The following SLC14A2 variants were observed in gnomAD, a reference collection of about 807,000 sequenced individuals.
The protein encoded by SLC14A2 is urea transporter 2.
In SLC14A2, 91 loss-of-function variants were observed where a neutral mutation model predicts 104.6. The observed-to-expected ratio is 0.87, with a 90% CI of 0.73 to 1.04. The LOEUF (loss-of-function observed/expected upper bound fraction) is 1.04, where lower values mean the gene tolerates loss of function less well. Among genes scored for constraint, SLC14A2 ranks in the 50% least tolerant of loss-of-function variants. SLC14A2 has a pLI of 0.00. For missense variants in SLC14A2, 1,189 were observed against 1,156.0 expected (o/e 1.03, Z -0.41); for synonymous variants, 476 against 466.4 (o/e 1.02, Z -0.27).
At chr18:45,535,663 C>T (rs1355089835) in intron 2 of SLC14A2, among the ~76,000 whole-genome samples, 1 of 152,124 alleles carries the variant, frequency 6.6e-6, no homozygotes, top group Non-Finnish European at 1.5e-5. Context: ...TTTGAGTGAG[C>T]AAAAGGCCTG....
chr18:45,626,492 C>A (rs1240602708), intron 3 of SLC14A2, among the ~76,000 whole-genome samples: 1 of 152,182 alleles, frequency 6.6e-6, no homozygotes, highest in Non-Finnish European at 1.5e-5. Context: ...TGGGCTACAA[C>A]AATTTCTTCC....
intron 1 of SLC14A2, among the ~76,000 whole-genome samples, chr18:45,381,461 G>A (rs376487637): frequency 1.3e-5 from 2 of 152,270 alleles, no homozygotes; most frequent in African/African-American, 4.8e-5. Context: ...ACCCCAAACT[G>A]CATAAACCAC....
At chr18:45,477,241 C>G (rs2087398860) in intron 1 of SLC14A2, among the ~76,000 whole-genome samples, 1 of 152,222 alleles carries the variant, frequency 6.6e-6, no homozygotes, top group Admixed American at 6.5e-5. Flanking sequence ...CCAGGCCCCT[C>G]TGCAGCAGGT....
chr18:45,590,781 C>T lies in SLC14A2; in HGVS notation c.-34-33850C>T, dbSNP rs893247464. Reference sequence around the variant, plus strand: ...GCCTAGAAAATTATCAGAGTAAAAGCTGACATTGATTGAGTGCTTACAGTG... The same window carrying T: ...GCCTAGAAAATTATCAGAGTAAAAGTTGACATTGATTGAGTGCTTACAGTG... On this transcript the variant is annotated intron_variant, in intron 2 of 20. Coordinates refer to the SLC14A2 transcript ENST00000586448. 2.0e-5 allele frequency among the ~76,000 whole-genome samples: 3 copies of T among 152,224 alleles called. No individual in the cohort carries two copies. In the East Asian group the frequency reaches 5.8e-4, roughly 29 times the overall value.
At chr18:45,277,815 G>A (rs1245899947) in intron 1 of SLC14A2, among the ~76,000 whole-genome samples, 1 of 152,200 alleles carries the variant, frequency 6.6e-6, no homozygotes. Flanking sequence ...ACACAAAAAT[G>A]TGCAGAGAAC....
At chr18:45,679,995 G>C (rs1212619299) in intron 19 of SLC14A2, among the ~76,000 whole-genome samples, 2 of 152,254 alleles carry the variant, frequency 1.3e-5, no homozygotes, top group Non-Finnish European at 1.5e-5. Context: ...TCCAGTATCT[G>C]TTATAGTCTT....
At chr18:45,414,198 G>A (rs2086244420) in intron 1 of SLC14A2, among the ~76,000 whole-genome samples, 1 of 152,132 alleles carries the variant, frequency 6.6e-6, no homozygotes, top group African/African-American at 2.4e-5. Flanking sequence ...CTTTGACCTG[G>A]CCAAGAGAAA....
chr18:45,361,736 G>C (rs73953152), intron 1 of SLC14A2, among the ~76,000 whole-genome samples: 33 of 152,184 alleles, frequency 2.2e-4, no homozygotes, highest in African/African-American at 7.2e-4. Flanking sequence ...TCGGCTTCTC[G>C]GCTTCTCCCT....
rs150322971 is a variant in SLC14A2 at position 45,271,702 on chromosome 18, A to T, written c.-125+58511A>T. The stretch of plus-strand genomic sequence containing the variant: ...ATGTTCATGGATTGGAAGAATCAAT[A>T]TTGTTAAAATGTCCTTACTACCCAA... On this transcript the variant is annotated intron_variant, in intron 1 of 20. Coordinates refer to the SLC14A2 transcript ENST00000586448. Among the ~76,000 whole-genome samples the T allele has an allele frequency of 1.9e-3, 289 of 152,280 alleles. 3 individuals carry two copies. The highest frequency in any genetic ancestry group is 6.6e-3 in the African/African-American group (274 of 41,586).
At chr18:45,235,299 C>T (rs769076835) in intron 1 of SLC14A2, among the ~76,000 whole-genome samples, 1 of 152,026 alleles carries the variant, frequency 6.6e-6, no homozygotes, top group Admixed American at 6.6e-5. Flanking sequence ...TTTTGACACA[C>T]AATAATTGTG....
intron 2 of SLC14A2, among the ~76,000 whole-genome samples, chr18:45,493,847 G>T (rs1178935945): frequency 1.3e-5 from 2 of 152,212 alleles, no homozygotes. Flanking sequence ...TTTGAATTCA[G>T]TGGGTAAGGA....
intron 2 of SLC14A2, among the ~76,000 whole-genome samples, chr18:45,591,242 T>C (rs1057510808): frequency 2.2e-4 from 34 of 152,238 alleles, no homozygotes; most frequent in African/African-American, 7.0e-4. Flanking sequence ...CTTCTCCAAC[T>C]GTAATGGGCA....
intron 2 of SLC14A2, among the ~76,000 whole-genome samples, chr18:45,625,170 G>A (rs1017418291): frequency 8.5e-5 from 13 of 152,066 alleles, no homozygotes; most frequent in African/African-American, 2.9e-4. Context: ...GAGGTAGACT[G>A]GCTGGCCACT....
intron 1 of SLC14A2, among the ~76,000 whole-genome samples, chr18:45,466,147 C>T (rs990697957): frequency 1.3e-5 from 2 of 152,088 alleles, no homozygotes; most frequent in Non-Finnish European, 2.9e-5. Flanking sequence ...GTGCTTATCT[C>T]GGTCAGGTCA....
chr18:45,300,994 G>A (rs151214421), intron 1 of SLC14A2, among the ~76,000 whole-genome samples: 70 of 152,308 alleles, frequency 4.6e-4, no homozygotes, highest in African/African-American at 1.3e-3. Context: ...TGTGACTTTG[G>A]CATTGAAGCA....
At chr18:45,668,289 G>C in intron 14 of SLC14A2, 60 bp from the exon 15 acceptor site, 3 of 1,595,250 alleles carry the variant, frequency 1.9e-6, no homozygotes, top group Non-Finnish European at 2.6e-6. Flanking sequence ...TGACTCAATA[G>C]GAAAATGTAA....
intron 1 of SLC14A2, among the ~76,000 whole-genome samples, chr18:45,314,722 A>G (rs938581924): frequency 6.6e-6 from 1 of 152,220 alleles, no homozygotes; most frequent in Non-Finnish European, 1.5e-5. Flanking sequence ...TAACCTGGAG[A>G]TAAAAGAACA....
rs185464285 is a variant in SLC14A2 at position 45,482,141 on chromosome 18, A to G, written c.-124-1092A>G. 9.3e-4 allele frequency among the ~76,000 whole-genome samples: 142 copies of G among 152,328 alleles called. 1 individual carries two copies. Among genetic ancestry groups the G allele is most frequent in the African/African-American group, 3.3e-3 (138 of 41,584 alleles). ...AATGCATACCCATTGAAAGCCAGCT[A>G]TTTTACTTCAAGGAATTTATCCTTA... On this transcript the variant is annotated intron_variant, in intron 1 of 20. Transcript: ENST00000586448.
chr18:45,547,600 C>T (rs1236699416), intron 2 of SLC14A2, among the ~76,000 whole-genome samples: 1 of 152,230 alleles, frequency 6.6e-6, no homozygotes, highest in Non-Finnish European at 1.5e-5. Context: ...CGGCCAGCCC[C>T]TTGTGGGCCT....
Sources: allele counts gnomAD v4.1 joint callset (sites outside exome capture counted in the v4.1 genomes callset), GRCh38; gene constraint gnomAD v4.1.1; transcripts MANE v1.5; gene names NCBI Gene and HGNC (gene_info 2026-07-23, HGNC 2026-07-21).